Variants in CCSER1 observed in about 807,000 individuals in gnomAD.
CCSER1 encodes coiled-coil serine rich protein 1.
A neutral mutation model predicts 82.0 loss-of-function variants in CCSER1; 41 were observed. The observed-to-expected ratio is 0.50, with a 90% CI of 0.39 to 0.65. CCSER1 has a LOEUF of 0.65. Ranked by LOEUF, CCSER1 falls within the 30% of genes least tolerant of loss-of-function variation. CCSER1 has a pLI of 0.00. For synonymous variants in CCSER1, 414 were observed against 383.9 expected (o/e 1.08, Z -0.92); for missense variants, 1,119 against 1,064.2 (o/e 1.05, Z -0.72).
chr4:91,532,200 T>G (rs1761069166), intron 10 of CCSER1, among the ~76,000 whole-genome samples: 1 of 152,224 alleles, frequency 6.6e-6, no homozygotes, highest in African/African-American at 2.4e-5. Flanking sequence ...AAGGAGAGTT[T>G]GGATTTTTAC....
At chr4:91,158,337 A>C (rs1360425267) in intron 10 of CCSER1, among the ~76,000 whole-genome samples, 1 of 152,000 alleles carries the variant, frequency 6.6e-6, no homozygotes, top group African/African-American at 2.4e-5. Context: ...CCTGCAAGGC[A>C]GCATCCTTTT....
intron 8 of CCSER1, among the ~76,000 whole-genome samples, chr4:90,821,959 GATT>G (rs1759781341): frequency 1.3e-5 from 2 of 152,224 alleles, no homozygotes; most frequent in African/African-American, 4.8e-5. Flanking sequence ...TCTTGTAAAT[GATT>G]ATTAATCTTA....
chr4:90,234,655 C>G (rs954195906), intron 1 of CCSER1, among the ~76,000 whole-genome samples: 1 of 152,078 alleles, frequency 6.6e-6, no homozygotes, highest in Admixed American at 6.5e-5. Context: ...ATTATTGAGT[C>G]CCTATTATCT....
chr4:90,274,888 T>G (rs1231644156), intron 1 of CCSER1, among the ~76,000 whole-genome samples: 2 of 152,164 alleles, frequency 1.3e-5, no homozygotes, highest in Non-Finnish European at 2.9e-5. Flanking sequence ...AAGATTGGGC[T>G]TACACTGTCT....
chr4:91,364,084 T>G (rs78408262), intron 10 of CCSER1, among the ~76,000 whole-genome samples: 1,843 of 152,236 alleles, frequency 0.012, 44 homozygotes, highest in African/African-American at 0.042. Context: ...TTACAAGAAC[T>G]GAATAATTCT....
At position 90,373,709 on chromosome 4, in the gene CCSER1, C is replaced by T. The variant is rs193083217; in HGVS notation, c.1510-26327C>T. 2.0e-4 allele frequency among the ~76,000 whole-genome samples: 30 copies of T among 152,224 alleles called. No homozygotes were observed. The East Asian group carries it at 5.8e-3, about 29-fold the overall frequency. ...ATGGGAGACAATTCTTCATGGGTCT[C>T]CAGCATTTTTTCATGTGTTGTGAGT... is the stretch of plus-strand genomic sequence containing the variant. On this transcript the variant is annotated intron_variant, in intron 3 of 10. Coordinates refer to ENST00000509176, the MANE Select transcript of CCSER1 (RefSeq NM_001145065.2).
intron 10 of CCSER1, among the ~76,000 whole-genome samples, chr4:91,406,384 T>C (rs1451537315): frequency 6.6e-6 from 1 of 152,216 alleles, no homozygotes; most frequent in Non-Finnish European, 1.5e-5. Context: ...TTTATGACAT[T>C]CTAGTTAACA....
intron 9 of CCSER1, among the ~76,000 whole-genome samples, chr4:90,959,757 T>C (rs1477478112): frequency 1.4e-5 from 2 of 143,730 alleles, no homozygotes; most frequent in African/African-American, 5.0e-5. Flanking sequence ...TTTTTTTCGT[T>C]TGTTTTCTCT....
intron 4 of CCSER1, among the ~76,000 whole-genome samples, chr4:90,452,087 G>A (rs758605661): frequency 1.3e-5 from 2 of 152,108 alleles, no homozygotes; most frequent in Non-Finnish European, 2.9e-5. Context: ...CCTGAGGAGA[G>A]AGGCGTACTC....
At chr4:91,235,710 A>G (rs189934097) in intron 10 of CCSER1, among the ~76,000 whole-genome samples, 1 of 152,250 alleles carries the variant, frequency 6.6e-6, no homozygotes, top group East Asian at 1.9e-4. Context: ...ATTAGAAGTA[A>G]TCAGGCCAAT....
chr4:91,175,245 C>G (rs28469559), intron 10 of CCSER1, among the ~76,000 whole-genome samples: 1,671 of 152,144 alleles, frequency 0.011, 39 homozygotes, highest in African/African-American at 0.036. Flanking sequence ...GGGTTGGTTC[C>G]AGGTCTTTGC....
chr4:91,181,936 T>G (rs1734070057), intron 10 of CCSER1, among the ~76,000 whole-genome samples: 1 of 152,236 alleles, frequency 6.6e-6, no homozygotes, highest in Non-Finnish European at 1.5e-5. Flanking sequence ...ATATGCCCGA[T>G]AAGTATAATT....
At chr4:90,749,753 C>T (rs544911179) in intron 7 of CCSER1, among the ~76,000 whole-genome samples, 5 of 152,066 alleles carry the variant, frequency 3.3e-5, no homozygotes, top group South Asian at 2.1e-4. Context: ...AGTAAACATA[C>T]GTGTGCATGT....
chr4:90,607,620 G>T (rs1784901955), intron 5 of CCSER1, among the ~76,000 whole-genome samples: 1 of 152,014 alleles, frequency 6.6e-6, no homozygotes, highest in Non-Finnish European at 1.5e-5. Flanking sequence ...TTCCCTTTCT[G>T]TAATACCAGT....
chr4:90,492,764 A>C (rs1768264983), intron 5 of CCSER1, among the ~76,000 whole-genome samples: 1 of 152,082 alleles, frequency 6.6e-6, no homozygotes, highest in Non-Finnish European at 1.5e-5. Context: ...TTCTGCCTTC[A>C]TTTTGTTATG....
chr4:90,735,120 C>T (rs1190888323), intron 7 of CCSER1, among the ~76,000 whole-genome samples: 3 of 151,992 alleles, frequency 2.0e-5, no homozygotes, highest in Admixed American at 6.6e-5. Flanking sequence ...CATGGCATGT[C>T]ATATTAATTG....
chr4:91,162,925 A>G (rs1383487263), intron 10 of CCSER1, among the ~76,000 whole-genome samples: 9 of 151,558 alleles, frequency 5.9e-5, no homozygotes, highest in African/African-American at 1.7e-4. Flanking sequence ...TTGTGTCTCT[A>G]TCTCCTTCAG....
chr4:91,414,689 G>A (rs1753247971), intron 10 of CCSER1, among the ~76,000 whole-genome samples: 1 of 152,006 alleles, frequency 6.6e-6, no homozygotes, highest in Non-Finnish European at 1.5e-5. Flanking sequence ...TAGCCATAAA[G>A]ACAAACATAG....
intron 10 of CCSER1, among the ~76,000 whole-genome samples, chr4:91,095,574 A>T (rs1051251382): frequency 6.6e-6 from 1 of 152,098 alleles, no homozygotes; most frequent in African/African-American, 2.4e-5. Context: ...TTTCCTCCGG[A>T]TATCTTCCAT....
Sources: gnomAD v4.1 joint callset for allele counts (sites outside exome capture counted in the v4.1 genomes callset) on GRCh38, gnomAD v4.1.1 for gene constraint, MANE v1.5 for transcripts, NCBI Gene and HGNC (gene_info 2026-07-23, HGNC 2026-07-21) for gene names.